Variants in GPS1 observed in about 807,000 individuals in gnomAD.
The protein encoded by GPS1 is COP9 signalosome complex subunit 1.
GPS1 carries 11 observed loss-of-function variants against 60.0 expected under a neutral mutation model. That is an observed-to-expected ratio of 0.18 (90% CI 0.12 to 0.30). GPS1 has a LOEUF of 0.30. Among genes scored for constraint, GPS1 ranks in the 10% least tolerant of loss-of-function variants. The pLI, the probability that GPS1 is intolerant of heterozygous loss-of-function variation, is 1.00. For synonymous variants in GPS1, 343 were observed against 269.8 expected (o/e 1.27, Z -2.66); for missense variants, 543 against 669.2 (o/e 0.81, Z 2.08).
rs1242714823 is a variant in GPS1 at position 82,057,044 on chromosome 17, C to G, written c.1390-9C>G. The G allele has an allele frequency of 3.1e-6, 5 of 1,601,666 alleles. No individual in the cohort carries two copies. The highest frequency in any genetic ancestry group is 3.4e-6 in the Non-Finnish European group (4 of 1,172,934). On this transcript the variant is annotated splice_polypyrimidine_tract_variant and intron_variant, in intron 12 of 12. Coordinates refer to ENST00000578552, the MANE Select transcript of GPS1 (RefSeq NM_001321092.3). ...GGTGGCTGTGAGCTGCTCCTTGTCTCCCCTGCAGTCCCCGCCCAGAGAAGG... is the reference window on the plus strand; with the variant it reads ...GGTGGCTGTGAGCTGCTCCTTGTCTGCCCTGCAGTCCCCGCCCAGAGAAGG...
chr17:82,051,222 GGGCCGT>G (rs2030507690), upstream of GPS1: 4 of 1,311,538 alleles, frequency 3.0e-6, no homozygotes, highest in African/African-American at 6.1e-5. This position sits in a 1 kb window ranked among gnomAD's most constrained non-coding sequence, Gnocchi z 4.1. Context: ...AGCAGCGAAG[GGGCCGT>G]GGCTTCGGAG....
chr17:82,053,048 G>A (rs2144382698), intron 1 of GPS1: 2 of 390,298 alleles, frequency 5.1e-6, no homozygotes, highest in South Asian at 7.5e-5. Flanking sequence ...CTGCTTCTGA[G>A]CCTTAGAGTC....
At chr17:82,053,636 A>C (rs1282323521) in intron 2 of GPS1, 3 of 557,904 alleles carry the variant, frequency 5.4e-6, no homozygotes, top group Non-Finnish European at 9.3e-6. Flanking sequence ...TCTATCCCCG[A>C]AAGCCCCCGG....
chr17:82,055,337 G>A (rs372760060), intron 6 of GPS1, 115 bp downstream of exon 6: 10 of 1,090,690 alleles, frequency 9.2e-6, no homozygotes, highest in South Asian at 1.3e-5. Flanking sequence ...CTGGCAGGGC[G>A]CAGGATGTTG....
chr17:82,054,832 G>A, intron 4 of GPS1, 22 bp downstream of exon 4: 1 of 1,579,158 alleles, frequency 6.3e-7, no homozygotes, highest in Non-Finnish European at 8.6e-7. Context: ...TCGGCGGGCG[G>A]GGGTGGGCAG....
intron 2 of GPS1, 128 bp from the exon 3 acceptor site, chr17:82,053,740 C>T (rs1445319702): frequency 2.0e-5 from 18 of 914,088 alleles, no homozygotes; most frequent in South Asian, 3.5e-5. Flanking sequence ...CCCCCATGCC[C>T]GGTTCTGGTT....
At chr17:82,054,862 C>G (rs370601543) in intron 4 of GPS1, 36 bp from the exon 5 acceptor site, 1 of 1,567,646 alleles carries the variant, frequency 6.4e-7, no homozygotes, top group Admixed American at 1.7e-5. Context: ...GCCATTGGGG[C>G]GCCCGGGCTC....
At chr17:82,051,190 C>G, upstream of GPS1, 2 of 1,306,568 alleles carry the variant, frequency 1.5e-6, no homozygotes, top group Non-Finnish European at 2.0e-6. The surrounding 1 kb of genome is among the most constrained non-coding windows in gnomAD (Gnocchi z 4.1). Context: ...CCTCGGGAGC[C>G]TGGGCAGAGA....
chr17:82,054,555 GC>G lies in GPS1; in HGVS notation c.359del (p.Pro120GlnfsTer17). ...PDAIPESGVE[P>X]PALDTAWVEA... Reference sequence around the variant, plus strand: ...ACGCCATCCCTGAGAGCGGCGTGGAGCCCCCAGCCCTGGACACGGCCTGGGT... The same window carrying G: ...ACGCCATCCCTGAGAGCGGCGTGGAGCCCCAGCCCTGGACACGGCCTGGGT... On this transcript the variant is annotated frameshift_variant, in exon 4 of 13. Coordinates refer to ENST00000578552, the MANE Select transcript of GPS1 (RefSeq NM_001321092.3). LOFTEE classifies it high-confidence loss of function. 1.3e-6 allele frequency: 2 copies of G among 1,581,726 alleles called. No homozygotes were observed.
upstream of GPS1, chr17:82,051,819 G>A (rs2030683370): frequency 2.6e-6 from 3 of 1,133,332 alleles, no homozygotes; most frequent in Non-Finnish European, 3.3e-6. This position sits in a 1 kb window ranked among gnomAD's most constrained non-coding sequence, Gnocchi z 4.1. Context: ...CGGAGCCGTG[G>A]GTGGGCGGCG....
At chr17:82,052,517 C>T in intron 1 of GPS1, 2 of 1,572,640 alleles carry the variant, frequency 1.3e-6, no homozygotes, top group Non-Finnish European at 1.7e-6. Context: ...CCCCGGCCGC[C>T]CCTGCTGTGG....
upstream of GPS1, chr17:82,051,779 AC>A (rs1461573659): frequency 8.1e-6 from 9 of 1,109,680 alleles, no homozygotes; most frequent in East Asian, 9.9e-5. The surrounding 1 kb of genome is among the most constrained non-coding windows in gnomAD (Gnocchi z 4.1). Flanking sequence ...GGCCGCCGGG[AC>A]CCCCGGCGCT....
Position 82,057,108 on chromosome 17 carries a change from G to A in GPS1, c.1445G>A (p.Arg482Gln), listed in dbSNP as rs768941843. Residue 482 changes from arginine to glutamine, a missense_variant, in exon 13 of 13, where the codon CGG becomes CAG. By Grantham distance (43) the Arg-to-Gln change is conservative. Transcript: ENST00000578552. ...GELTPANSQSRMSTNM is the reference protein window; with the variant it reads ...GELTPANSQSQMSTNM ...CTGACTCCAGCCAACAGCCAGTCCC[G>A]GATGAGCACCAACATGTGAGGGGTG... 2.5e-6 allele frequency: 4 copies of A among 1,573,946 alleles called. No individual in the cohort carries two copies. Among genetic ancestry groups the A allele is most frequent in the Non-Finnish European group, 2.6e-6 (3 of 1,158,046 alleles).
intron 6 of GPS1, chr17:82,055,512 GC>G: frequency 1.6e-6 from 1 of 607,362 alleles, no homozygotes; most frequent in Non-Finnish European, 2.9e-6. Context: ...AGCACCTAGG[GC>G]TTCCCTGCAT....
chr17:82,056,870 A>G lies in GPS1; in HGVS notation c.1285A>G (p.Ser429Gly). ...ATACGCCCGGGACGTGGATCAGCGC[A>G]GCACCACCTTTGAGAAGTCTCTGTT... ...ILYARDVDQR[S>G]TTFEKSLLMG... Residue 429 changes from serine (S) to glycine (G), a missense_variant, in exon 12 of 13, where the codon AGC becomes GGC. Coordinates refer to ENST00000578552, the MANE Select transcript of GPS1 (RefSeq NM_001321092.3). 2 of 1,612,842 alleles carry G rather than the reference A, an allele frequency of 1.2e-6. No homozygotes were observed. The highest frequency in any genetic ancestry group is 2.2e-5 in the South Asian group (2 of 91,084).
At position 82,057,283 on chromosome 17, in the gene GPS1, G is replaced by A; in HGVS notation, c.*156G>A. 1 of 975,730 alleles carries A rather than the reference G, an allele frequency of 1.0e-6. No homozygotes were observed. Among genetic ancestry groups the A allele is most frequent in the Non-Finnish European group, 1.6e-6 (1 of 623,510 alleles). 60.4% of individuals were successfully genotyped at this position (975,730 alleles called of 1,614,324 possible). ...GCCCTCCCTGGGGCTGAGGAGGCAG[G>A]CGGCTGCTAGTTGTGGCCCTTCCTG... On this transcript the variant is annotated 3_prime_UTR_variant, in exon 13 of 13. Coordinates refer to ENST00000578552, the MANE Select transcript of GPS1 (RefSeq NM_001321092.3).
chr17:82,051,996 G>GC lies in GPS1; in HGVS notation c.33+37dup. 1 of 1,145,608 alleles carries GC rather than the reference G, an allele frequency of 8.7e-7. No homozygotes were observed. The highest frequency in any genetic ancestry group is 1.1e-6 in the Non-Finnish European group (1 of 931,778). 71.0% of individuals were successfully genotyped at this position (1,145,608 alleles called of 1,614,324 possible). On this transcript the variant is annotated intron_variant, in intron 1 of 12. Coordinates refer to ENST00000578552, the MANE Select transcript of GPS1 (RefSeq NM_001321092.3). This position sits in a 1 kb window ranked among gnomAD's most constrained non-coding sequence, Gnocchi z 4.1. ...AGCCGAGGCCGCCCCGGGCCTCCGC[G>GC]CCCCCGCGCCCCCCGCCACTGGGGC...
At chr17:82,055,314 A>G (rs1179801286) in intron 6 of GPS1, 92 bp downstream of exon 6, 4 of 1,310,078 alleles carry the variant, frequency 3.1e-6, no homozygotes, top group Admixed American at 3.9e-5. Context: ...TGCCTCAGCC[A>G]GGGAAAACTT....
chr17:82,055,046 C>A (rs760982566), intron 5 of GPS1, 71 bp downstream of exon 5: 2 of 1,594,958 alleles, frequency 1.3e-6, no homozygotes, highest in Admixed American at 3.4e-5. Context: ...TGTCCTCCCC[C>A]ACCTCATTCT....
Sources: allele counts gnomAD v4.1 joint callset, GRCh38; gene constraint gnomAD v4.1.1; non-coding constraint Gnocchi (gnomAD v3.1); transcripts MANE v1.5; gene names NCBI Gene and HGNC (gene_info 2026-07-23, HGNC 2026-07-21).